GPR55: variants seen among roughly 807,000 people sequenced by gnomAD.
The protein encoded by GPR55 is G-protein coupled receptor 55.
A neutral mutation model predicts 7.9 loss-of-function variants in GPR55; 6 were observed. The ratio of observed to expected loss-of-function variants is 0.76; its 90% CI spans 0.41 to 1.49. The LOEUF is 1.49. Among genes scored for constraint, GPR55 ranks in the 40% most tolerant of loss-of-function variants. GPR55 has a pLI of 0.01. For missense variants in GPR55, 376 were observed against 406.0 expected (o/e 0.93, Z 0.63); for synonymous variants, 183 against 166.8 (o/e 1.10, Z -0.75).
chr2:230,931,607 T>G (rs1053152121), intron 1 of GPR55, among the ~76,000 whole-genome samples: 1 of 152,252 alleles, frequency 6.6e-6, no homozygotes. Context: ...GCCCACTTGT[T>G]AAGACGCTGA....
intron 1 of GPR55, among the ~76,000 whole-genome samples, chr2:230,960,146 C>A (rs1050146335): frequency 6.6e-6 from 1 of 152,192 alleles, no homozygotes; most frequent in African/African-American, 2.4e-5. Flanking sequence ...TGTCCCAGAG[C>A]CTTAATCACA....
chr2:230,936,429 G>A (rs531224844), intron 1 of GPR55, among the ~76,000 whole-genome samples: 4 of 152,228 alleles, frequency 2.6e-5, no homozygotes, highest in Non-Finnish European at 5.9e-5. Context: ...GGCTTTCCTC[G>A]CTTTGCTTGG....
Position 230,911,097 on chromosome 2 carries a change from C to T in GPR55, c.-134-1G>A. Reference sequence around the variant, plus strand: ...GCAATTCATGCCCATTGAATCACAACTAGAACACAGAAAAGAAAAATTACC... The same window carrying T: ...GCAATTCATGCCCATTGAATCACAATTAGAACACAGAAAAGAAAAATTACC... On this transcript the variant is annotated splice_acceptor_variant, in intron 1 of 1. Coordinates refer to ENST00000650999, the MANE Select transcript of GPR55 (RefSeq NM_005683.4). LOFTEE classifies it low-confidence loss of function (5UTR_SPLICE). The T allele has an allele frequency of 5.6e-6, 5 of 898,154 alleles. No homozygotes were observed. Among genetic ancestry groups the T allele is most frequent in the Non-Finnish European group, 5.2e-6 (3 of 579,646 alleles). 55.6% of individuals were successfully genotyped at this position (898,154 alleles called of 1,614,324 possible).
Position 230,923,746 on chromosome 2 carries a change from G to A in GPR55, c.-135+1422C>T, listed in dbSNP as rs117166878. Among the ~76,000 whole-genome samples the A allele has an allele frequency of 3.3e-5, 5 of 152,262 alleles. No individual in the cohort carries two copies. The East Asian group carries it at 9.7e-4, about 29-fold the overall frequency. Reference sequence around the variant, plus strand: ...TATGCCCATTTTACAGATAAGGACAGTAAGGCTTAGAGATGTTAAAGATTC... The same window carrying A: ...TATGCCCATTTTACAGATAAGGACAATAAGGCTTAGAGATGTTAAAGATTC... On this transcript the variant is annotated intron_variant, in intron 1 of 1. Coordinates refer to ENST00000650999, the MANE Select transcript of GPR55 (RefSeq NM_005683.4). The surrounding 1 kb of genome is among the most constrained non-coding windows in gnomAD (Gnocchi z 4.1).
intron 1 of GPR55, among the ~76,000 whole-genome samples, chr2:230,953,504 G>C (rs1559180966): frequency 6.6e-6 from 1 of 152,174 alleles, no homozygotes; most frequent in African/African-American, 2.4e-5. Context: ...CAGAGAAACA[G>C]GTTCTCCTCT....
Position 230,908,876 on chromosome 2 carries a change from C to T in GPR55, c.*1127G>A, listed in dbSNP as rs1690516655. ...CAGTTTCCTGGGACCAGCAGGGACC[C>T]CCCCTTGCCTTCTTTCTCAAGGCCA... is the stretch of plus-strand genomic sequence containing the variant. On this transcript the variant is annotated 3_prime_UTR_variant, in exon 2 of 2. Transcript: ENST00000650999. The T allele has an allele frequency of 6.6e-6, 1 of 152,300 alleles. No individual in the cohort carries two copies. Among genetic ancestry groups the T allele is most frequent in the South Asian group, 2.1e-4 (1 of 4,830 alleles). 9.4% of individuals were successfully genotyped at this position (152,300 alleles called of 1,614,324 possible). A position where few individuals can be genotyped will look rare whatever the true frequency, so the allele number is the denominator to read the frequency against.
chr2:230,952,121 G>A (rs1378182234), intron 1 of GPR55, among the ~76,000 whole-genome samples: 1 of 151,996 alleles, frequency 6.6e-6, no homozygotes, highest in Non-Finnish European at 1.5e-5. Flanking sequence ...AGATAGAGAC[G>A]ACATGGTCAC....
intron 1 of GPR55, among the ~76,000 whole-genome samples, chr2:230,948,507 G>C (rs541515782): frequency 6.6e-6 from 1 of 152,198 alleles, no homozygotes; most frequent in Non-Finnish European, 1.5e-5. Flanking sequence ...CCCTATATAT[G>C]GAATAGAACC....
At chr2:230,947,614 G>A (rs11885907) in intron 1 of GPR55, among the ~76,000 whole-genome samples, 2,472 of 149,808 alleles carry the variant, frequency 0.017, 58 homozygotes, top group African/African-American at 0.058. Context: ...AGCAATCCTC[G>A]TGCCTCAGCC....
chr2:230,943,576 C>T (rs4973353), intron 1 of GPR55, among the ~76,000 whole-genome samples: 70,766 of 152,130 alleles, frequency 0.47, 19,211 homozygotes, highest in African/African-American at 0.76. Flanking sequence ...CTATCCCCGT[C>T]CAGGGTCTGA....
intron 1 of GPR55, among the ~76,000 whole-genome samples, chr2:230,952,569 A>G (rs1317494036): frequency 6.6e-6 from 1 of 152,214 alleles, no homozygotes; most frequent in Non-Finnish European, 1.5e-5. Flanking sequence ...GCCGCTTGTC[A>G]GTTACTTGTC....
At chr2:230,960,101 CT>C (rs1215476502) in intron 1 of GPR55, among the ~76,000 whole-genome samples, 2 of 152,164 alleles carry the variant, frequency 1.3e-5, no homozygotes, top group African/African-American at 4.8e-5. Flanking sequence ...ACCAAACCAA[CT>C]GGAGGAAAGA....
rs1001709688 is a variant in GPR55, at chr2:230,909,736, T to C, written c.*267A>G. On this transcript the variant is annotated 3_prime_UTR_variant, in exon 2 of 2. Transcript: ENST00000650999. ...ATTCTCTTTCTCAATTCTTCTGCTCTATAGTTTTTGGACTTAGAAATCAGT... is the reference window on the plus strand; with the variant it reads ...ATTCTCTTTCTCAATTCTTCTGCTCCATAGTTTTTGGACTTAGAAATCAGT... 4.6e-6 allele frequency: 2 copies of C among 431,498 alleles called. No individual in the cohort carries two copies. The highest frequency in any genetic ancestry group is 3.9e-5 in the African/African-American group (2 of 50,984). 26.7% of individuals were successfully genotyped at this position (431,498 alleles called of 1,614,324 possible). A position where few individuals can be genotyped will look rare whatever the true frequency, so the allele number is the denominator to read the frequency against.
At chr2:230,949,266 C>G (rs1691363852) in intron 1 of GPR55, among the ~76,000 whole-genome samples, 2 of 152,100 alleles carry the variant, frequency 1.3e-5, no homozygotes, top group Non-Finnish European at 2.9e-5. Context: ...CGGGTTAAAG[C>G]GATTCTCCTG....
Position 230,909,633 on chromosome 2 carries a change from C to T in GPR55, c.*370G>A. ...GCTCCCTCCTTTACCTCTTTTCTCT[C>T]TCTCTCTTTCTTTCCAGAACCTCCC... is the stretch of plus-strand genomic sequence containing the variant. On this transcript the variant is annotated 3_prime_UTR_variant, in exon 2 of 2. Coordinates refer to ENST00000650999, the MANE Select transcript of GPR55 (RefSeq NM_005683.4). The T allele has an allele frequency of 4.7e-6, 1 of 214,590 alleles. No homozygotes were observed. The highest frequency in any genetic ancestry group is 9.4e-6 in the Non-Finnish European group (1 of 106,808). The allele number at this position is 214,590 out of a possible 1,614,324, so 13.3% of individuals were successfully genotyped here.
Position 230,924,970 on chromosome 2 carries a change from G to A in GPR55, c.-135+198C>T, listed in dbSNP as rs534779201. On this transcript the variant is annotated intron_variant, in intron 1 of 1. Transcript: ENST00000650999. This position sits in a 1 kb window ranked among gnomAD's most constrained non-coding sequence, Gnocchi z 4.5. Reference sequence around the variant, plus strand: ...GGACAAACCAGGTCTGCCTGCCGCTGCTGCTGTCACGGAGGCTGCCTGGAG... The same window carrying A: ...GGACAAACCAGGTCTGCCTGCCGCTACTGCTGTCACGGAGGCTGCCTGGAG... Among the ~76,000 whole-genome samples the A allele has an allele frequency of 6.6e-6, 1 of 152,328 alleles. No individual in the cohort carries two copies. Among genetic ancestry groups the A allele is most frequent in the Non-Finnish European group, 1.5e-5 (1 of 68,020 alleles).
At chr2:230,920,483 A>AT (rs201088458) in intron 1 of GPR55, among the ~76,000 whole-genome samples, 11 of 152,058 alleles carry the variant, frequency 7.2e-5, no homozygotes, top group Admixed American at 2.6e-4. Flanking sequence ...CTGATTCATG[A>AT]TTTTTTTAAA....
intron 1 of GPR55, among the ~76,000 whole-genome samples, chr2:230,937,164 G>A (rs539345070): frequency 3.4e-4 from 51 of 152,206 alleles, no homozygotes; most frequent in Admixed American, 9.2e-4. Flanking sequence ...CGTTTTGGGA[G>A]GCTGAGGTGG....
At chr2:230,936,828 C>T (rs1691140724) in intron 1 of GPR55, among the ~76,000 whole-genome samples, 1 of 152,158 alleles carries the variant, frequency 6.6e-6, no homozygotes, top group African/African-American at 2.4e-5. Context: ...TGAGGTATTA[C>T]TCAAGTTGTC....
Sources: gnomAD v4.1 joint callset for allele counts (sites outside exome capture counted in the v4.1 genomes callset) on GRCh38, gnomAD v4.1.1 for gene constraint, Gnocchi (gnomAD v3.1) non-coding constraint, MANE v1.5 for transcripts, NCBI Gene and HGNC (gene_info 2026-07-23, HGNC 2026-07-21) for gene names.